Variants in KLHL29 observed in about 807,000 individuals in gnomAD.
The protein encoded by KLHL29 is kelch-like protein 29.
Under a neutral mutation model 80.4 loss-of-function variants are expected in KLHL29, and 21 were observed. The ratio of observed to expected loss-of-function variants is 0.26; its 90% CI spans 0.19 to 0.38. The LOEUF is 0.38. Ranked by LOEUF, KLHL29 falls within the 10% of genes least tolerant of loss-of-function variation. The pLI, the probability that KLHL29 is intolerant of heterozygous loss-of-function variation, is 1.00. For missense variants in KLHL29, 867 were observed against 1,223.9 expected, an observed-to-expected ratio of 0.71 and a Z score of 4.35; for synonymous variants, 511 against 526.8, an observed-to-expected ratio of 0.97 and a Z score of 0.41.
intron 5 of KLHL29, among the ~76,000 whole-genome samples, chr2:23,679,929 C>T (rs1483122377): frequency 6.6e-6 from 1 of 151,942 alleles, no homozygotes; most frequent in Non-Finnish European, 1.5e-5. Context: ...GGAGTGGGGA[C>T]GTGTGTGGGG....
intron 1 of KLHL29, among the ~76,000 whole-genome samples, chr2:23,410,165 T>C (rs1666829365): frequency 6.6e-6 from 1 of 152,176 alleles, no homozygotes; most frequent in East Asian, 1.9e-4. Context: ...CTGACTGTTT[T>C]TAAGCAAGGG....
chr2:23,692,857 C>T (rs952019175), intron 7 of KLHL29, among the ~76,000 whole-genome samples: 3 of 152,148 alleles, frequency 2.0e-5, no homozygotes, highest in Admixed American at 6.5e-5. Flanking sequence ...CTACTGCTAA[C>T]GAAGGAGTCT....
intron 1 of KLHL29, among the ~76,000 whole-genome samples, chr2:23,473,583 C>G (rs540097564): frequency 6.6e-6 from 1 of 152,238 alleles, no homozygotes; most frequent in East Asian, 1.9e-4. Flanking sequence ...CGTAGACAGC[C>G]TGTGCTTCCT....
chr2:23,493,405 A>G (rs1665162848), intron 2 of KLHL29, among the ~76,000 whole-genome samples: 1 of 151,768 alleles, frequency 6.6e-6, no homozygotes, highest in Non-Finnish European at 1.5e-5. Flanking sequence ...TATTTTACTG[A>G]TGATATTTTC....
chr2:23,666,733 A>C (rs547650386), intron 5 of KLHL29, among the ~76,000 whole-genome samples: 53 of 152,356 alleles, frequency 3.5e-4, no homozygotes, highest in African/African-American at 1.3e-3. Flanking sequence ...GGGTGTGGTC[A>C]GGCAGACAGC....
chr2:23,488,954 G>C (rs1447646712), intron 2 of KLHL29, among the ~76,000 whole-genome samples: 1 of 152,204 alleles, frequency 6.6e-6, no homozygotes, highest in Non-Finnish European at 1.5e-5. Flanking sequence ...GTCCCAGGGA[G>C]GTTGGGATGC....
At chr2:23,560,263 CTTTTTTTTT>C (rs67065961) in intron 2 of KLHL29, among the ~76,000 whole-genome samples, 4 of 73,230 alleles carry the variant, frequency 5.5e-5, no homozygotes, top group African/African-American at 2.4e-4. Flanking sequence ...ATTGGATAGG[CTTTTTTTTT>C]TTTTTTTTTT....
rs191598480 is a variant in KLHL29, at chr2:23,693,363, G to A, written c.1377G>A (p.Ala459=). 2.2e-4 allele frequency: 346 copies of A among 1,551,690 alleles called. No homozygotes were observed. In the African/African-American group the frequency reaches 2.5e-3, roughly 11 times the overall value. The change falls in exon 8 of 14, where the codon GCG becomes GCA. Residue 459 remains alanine (A), a synonymous_variant. Coordinates refer to ENST00000486442, the MANE Select transcript of KLHL29 (RefSeq NM_052920.2). The part of the protein sequence containing the change: ...SELYHMAKAF[A]LQIFPEVAAQ... The stretch of plus-strand genomic sequence containing the variant: ...TCTACCACATGGCCAAGGCCTTCGC[G>A]CTGCAGATCTTCCCCGAGGTGGCCG...
rs1438355699 is a variant in KLHL29, at chr2:23,435,510, G to C, written c.-153-40050G>C. On this transcript the variant is annotated intron_variant, in intron 1 of 13. Transcript: ENST00000486442. ...GTCATAGCGTGACAAAGAATCCACA[G>C]GGCTGGGGAATGGTTTGGGTGACAT... Among the ~76,000 whole-genome samples the C allele has an allele frequency of 3.9e-5, 6 of 152,204 alleles. No homozygotes were observed. In the East Asian group the frequency reaches 1.2e-3, roughly 29 times the overall value.
At chr2:23,485,386 A>G (rs1664908024) in intron 2 of KLHL29, among the ~76,000 whole-genome samples, 1 of 152,196 alleles carries the variant, frequency 6.6e-6, no homozygotes, top group South Asian at 2.1e-4. Flanking sequence ...TTGTGTGTGA[A>G]AGGAGCCAGC....
chr2:23,542,555 C>G (rs1666865735), intron 2 of KLHL29, among the ~76,000 whole-genome samples: 1 of 152,214 alleles, frequency 6.6e-6, no homozygotes, highest in Admixed American at 6.5e-5. Flanking sequence ...TGGAGTTGAC[C>G]TTTTCTGCAA....
At chr2:23,661,340 T>TTA (rs1553351726) in intron 5 of KLHL29, among the ~76,000 whole-genome samples, 5 of 134,916 alleles carry the variant, frequency 3.7e-5, no homozygotes, top group African/African-American at 8.6e-5. Context: ...AGACCCTGTC[T>TTA]AAAAAAAAAA....
intron 3 of KLHL29, among the ~76,000 whole-genome samples, chr2:23,634,793 C>T (rs1002137074): frequency 1.3e-5 from 2 of 152,196 alleles, no homozygotes; most frequent in Non-Finnish European, 2.9e-5. Context: ...ATGAGGGAAC[C>T]GTGCTGTTTC....
intron 2 of KLHL29, among the ~76,000 whole-genome samples, chr2:23,542,215 T>A (rs1176286912): frequency 6.6e-6 from 1 of 152,222 alleles, no homozygotes; most frequent in Non-Finnish European, 1.5e-5. Flanking sequence ...ACTGTTCCCT[T>A]CCTCTCTTCA....
At chr2:23,595,305 C>CA (rs1413580450) in intron 3 of KLHL29, among the ~76,000 whole-genome samples, 1 of 152,186 alleles carries the variant, frequency 6.6e-6, no homozygotes, top group East Asian at 1.9e-4. Context: ...GTTTCTCCCA[C>CA]AAAACCCTAC....
chr2:23,492,999 A>C (rs532627491), intron 2 of KLHL29, among the ~76,000 whole-genome samples: 62 of 152,292 alleles, frequency 4.1e-4, no homozygotes, highest in African/African-American at 1.5e-3. Context: ...TCTCTCCCTC[A>C]TCTGCAACAG....
chr2:23,627,786 GT>G (rs1669355795), intron 3 of KLHL29, among the ~76,000 whole-genome samples: 1 of 152,030 alleles, frequency 6.6e-6, no homozygotes, highest in Non-Finnish European at 1.5e-5. Flanking sequence ...AGTCAGTGTC[GT>G]GAGTCACACA....
chr2:23,524,084 C>T (rs562997797), intron 2 of KLHL29: 74 of 470,966 alleles, frequency 1.6e-4, no homozygotes, highest in African/African-American at 1.3e-3. Flanking sequence ...AGGGTTTTTT[C>T]TCCCCATGAC....
rs1558433012 is a variant in KLHL29, at chr2:23,670,991, TCCCTCCCTC to T, written c.941-13404_941-13396del. Among the ~76,000 whole-genome samples the T allele has an allele frequency of 5.5e-3, 156 of 28,134 alleles. 18 individuals carry two copies. The highest frequency in any genetic ancestry group is 7.4e-3 in the Admixed American group (18 of 2,444). The allele number at this position is 28,134 out of a possible 152,430, so 18.5% of individuals were successfully genotyped here. A position where few individuals can be genotyped will look rare whatever the true frequency, so the allele number is the denominator to read the frequency against. On this transcript the variant is annotated intron_variant, in intron 5 of 13. Transcript: ENST00000486442. ...CTCTCTCTCTCTCTCCCTCCCTCCC[TCCCTCCCTC>T]CCCCCCCCCACCTCCTCCCTTCCCT...
Sources: allele counts gnomAD v4.1 joint callset (sites outside exome capture counted in the v4.1 genomes callset), GRCh38; gene constraint gnomAD v4.1.1; transcripts MANE v1.5; gene names NCBI Gene and HGNC (gene_info 2026-07-23, HGNC 2026-07-21).